The following ZNF283 variants were observed in gnomAD, a reference collection of about 807,000 sequenced individuals.
The protein encoded by ZNF283 is zinc finger protein 283.
ZNF283 carries 10 observed loss-of-function variants against 9.2 expected under a neutral mutation model. The observed-to-expected ratio is 1.09, with a 90% CI of 0.67 to 1.85. The LOEUF (loss-of-function observed/expected upper bound fraction) is 1.85. Among genes scored for constraint, ZNF283 ranks in the 40% most tolerant of loss-of-function variants. The pLI is 0.00. For synonymous variants in ZNF283, 234 were observed against 244.1 expected, an observed-to-expected ratio of 0.96 and a Z score of 0.38; for missense variants, 631 against 760.1, an observed-to-expected ratio of 0.83 and a Z score of 2.00.
chr19:43,848,686 TATC>T lies in ZNF283; in HGVS notation c.*48_*50del, dbSNP rs754450429. 2.3e-5 allele frequency: 34 copies of T among 1,480,514 alleles called. No individual in the cohort carries two copies. In the African/African-American group the frequency reaches 3.2e-4, roughly 14 times the overall value. The allele number at this position is 1,480,514 out of a possible 1,614,324, so 91.7% of individuals were successfully genotyped here. ...ATTTTGTGTGTGTGTATAGACAACT[TATC>T]ATAATAAGAACTCTTACTCTTGAGA... On this transcript the variant is annotated 3_prime_UTR_variant, in exon 7 of 7. Transcript: ENST00000618787.
rs757315046 is a variant in ZNF283 at position 43,831,428 on chromosome 19, G to A, written c.-1+47G>A. The A allele has an allele frequency of 8.9e-6, 13 of 1,464,538 alleles. No homozygotes were observed. In the East Asian group the frequency reaches 9.2e-5, roughly 10 times the overall value. The allele number at this position is 1,464,538 out of a possible 1,614,324, so 90.7% of individuals were successfully genotyped here. A position where few individuals can be genotyped will look rare whatever the true frequency, so the allele number is the denominator to read the frequency against. On this transcript the variant is annotated intron_variant, in intron 3 of 6. Transcript: ENST00000618787. Reference sequence around the variant, plus strand: ...CCCACTGATTTTCAGTGTTGGCCCCGTTTGTTCAGTTTTCTTAATGACTGG... The same window carrying A: ...CCCACTGATTTTCAGTGTTGGCCCCATTTGTTCAGTTTTCTTAATGACTGG...
At chr19:43,828,720 G>A (rs1970578641) in intron 2 of ZNF283, among the ~76,000 whole-genome samples, 2 of 151,988 alleles carry the variant, frequency 1.3e-5, no homozygotes, top group Non-Finnish European at 2.9e-5. Context: ...CAGTAGTATA[G>A]TCATAGCTCA....
chr19:43,846,961 G>T lies in ZNF283; in HGVS notation c.360G>T (p.Glu120Asp), dbSNP rs559158760. The T allele has an allele frequency of 5.1e-6, 8 of 1,567,828 alleles. No individual in the cohort carries two copies. The East Asian group carries it at 1.2e-4, about 23-fold the overall frequency. The change falls in exon 7 of 7, where the codon GAG (glutamate) becomes GAT (aspartate). Residue 120 changes from glutamate to aspartate, a missense_variant. Physicochemically the swap from Glu to Asp is conservative, Grantham distance 45. This residue lies in a region of ZNF283 where 184 missense variants were observed against 220.0 expected (regional missense o/e 0.84). Transcript: ENST00000618787. Reference sequence around the variant, plus strand: ...CAGATTTGGAGTCAAAAACGTATGAGACCAAAAAAATATTTTCAGAAAATG... The same window carrying T: ...CAGATTTGGAGTCAAAAACGTATGATACCAAAAAAATATTTTCAGAAAATG... ...VSLDLESKTY[E>D]TKKIFSENDI...
At position 43,831,372 on chromosome 19, in the gene ZNF283, T is replaced by A; in HGVS notation, c.-10T>A. 6.3e-7 allele frequency: 1 copy of A among 1,595,446 alleles called. No individual in the cohort carries two copies. ...ACATTGAATAACAGCTACAGGATGT[T>A]CGAGAGCTGGTAGGTGTAAATTGTT... On this transcript the variant is annotated 5_prime_UTR_variant, in exon 3 of 7. Coordinates refer to ENST00000618787, the MANE Select transcript of ZNF283 (RefSeq NM_181845.2).
Position 43,848,214 on chromosome 19 carries a change from CA to C in ZNF283, c.1614del (p.Glu540ArgfsTer47), listed in dbSNP as rs762712255. ...SSLVQHERIH[T>X]GEKPYECKEC... ...CTTGTTCAACATGAAAGAATCCATA[CA>C]GGGGAGAAACCCTATGAATGTAAAG... On this transcript the variant is annotated frameshift_variant, in exon 7 of 7. Transcript: ENST00000618787. LOFTEE classifies it low-confidence loss of function (END_TRUNC). 24 of 1,613,734 alleles carry C rather than the reference CA, an allele frequency of 1.5e-5. No homozygotes were observed. The highest frequency in any genetic ancestry group is 1.9e-5 in the Non-Finnish European group (23 of 1,179,934).
In ZNF283 at chr19:43,847,176, A is replaced by T. The variant is rs1459624723; in HGVS notation, c.575A>T (p.Lys192Ile). The T allele has an allele frequency of 6.2e-7, 1 of 1,613,594 alleles. No individual in the cohort carries two copies. Among genetic ancestry groups the T allele is most frequent in the African/African-American group, 1.3e-5 (1 of 74,926 alleles). ...AAAATACCTTCTTACAGAAAAAGTAAATCTCTTACTCCACATCAAAGAATT... is the reference window on the plus strand; with the variant it reads ...AAAATACCTTCTTACAGAAAAAGTATATCTCTTACTCCACATCAAAGAATT... ...YEKIPSYRKSKSLTPHQRIHN... is the reference protein window; with the variant it reads ...YEKIPSYRKSISLTPHQRIHN... The change falls in exon 7 of 7, where the codon AAA becomes ATA. Residue 192 changes from lysine (K) to isoleucine (I), a missense_variant. Physicochemically the swap from Lys to Ile is moderately radical, Grantham distance 102. Transcript: ENST00000618787.
chr19:43,829,414 G>A (rs904153840), intron 2 of ZNF283, among the ~76,000 whole-genome samples: 1 of 151,928 alleles, frequency 6.6e-6, no homozygotes, highest in Admixed American at 6.6e-5. Flanking sequence ...AAAAATTAAG[G>A]CTCTGGATCC....
rs1274371325 is a variant in ZNF283 at position 43,846,987 on chromosome 19, A to G, written c.386A>G (p.Asp129Gly). 2 of 1,584,682 alleles carry G rather than the reference A, an allele frequency of 1.3e-6. No homozygotes were observed. Among genetic ancestry groups the G allele is most frequent in the Admixed American group, 1.8e-5 (1 of 54,540 alleles). ...ACCAAAAAAATATTTTCAGAAAATG[A>G]TATTTTTGAAATAAATTTTTCCCAG... ...YETKKIFSEN[D>G]IFEINFSQWE... The change falls in exon 7 of 7, where the codon GAT (aspartate) becomes GGT (glycine). Residue 129 changes from aspartate to glycine, a missense_variant. Transcript: ENST00000618787.
intron 6 of ZNF283, 45 bp from the exon 7 acceptor site, chr19:43,846,892 TCC>T: frequency 1.0e-5 from 12 of 1,192,276 alleles, no homozygotes; most frequent in South Asian, 6.1e-5. Flanking sequence ...TTTTTTTTTT[TCC>T]CTAGTGAAGG....
chr19:43,845,540 AAAT>A (rs1317876464), intron 6 of ZNF283, among the ~76,000 whole-genome samples: 1 of 152,140 alleles, frequency 6.6e-6, no homozygotes, highest in African/African-American at 2.4e-5. Flanking sequence ...TTTAAATAAA[AAAT>A]TCTGTTCTAT....
chr19:43,835,623 C>T (rs750041164), intron 5 of ZNF283, 31 bp downstream of exon 5: 94 of 1,488,150 alleles, frequency 6.3e-5, no homozygotes, highest in Non-Finnish European at 8.5e-5. Context: ...CCATGAAATA[C>T]TGTGATTTTT....
At chr19:43,842,865 A>G (rs1000217692) in intron 6 of ZNF283, among the ~76,000 whole-genome samples, 2 of 152,076 alleles carry the variant, frequency 1.3e-5, no homozygotes, top group African/African-American at 4.8e-5. Flanking sequence ...TTAAGAAAAA[A>G]CCCATTTTCA....
At chr19:43,832,964 G>A (rs1011450988) in intron 3 of ZNF283, among the ~76,000 whole-genome samples, 4 of 149,824 alleles carry the variant, frequency 2.7e-5, no homozygotes, top group African/African-American at 9.9e-5. Flanking sequence ...GGAGGTTGAG[G>A]CTGCAGTGAG....
intron 5 of ZNF283, among the ~76,000 whole-genome samples, chr19:43,836,797 A>G (rs1391843103): frequency 6.6e-6 from 1 of 152,228 alleles, no homozygotes; most frequent in Non-Finnish European, 1.5e-5. Flanking sequence ...ATATATTACC[A>G]GACAGATCTG....
chr19:43,839,598 A>G (rs1050694711), intron 6 of ZNF283, among the ~76,000 whole-genome samples: 1 of 151,936 alleles, frequency 6.6e-6, no homozygotes, highest in African/African-American at 2.4e-5. Context: ...ATGGTATCCC[A>G]TTGATCCCTC....
At chr19:43,840,508 G>A (rs1053446127) in intron 6 of ZNF283, among the ~76,000 whole-genome samples, 4 of 152,160 alleles carry the variant, frequency 2.6e-5, no homozygotes, top group African/African-American at 9.7e-5. Flanking sequence ...AGCATTCCAG[G>A]CACATAGGCC....
intron 6 of ZNF283, among the ~76,000 whole-genome samples, chr19:43,839,481 T>C (rs1971112887): frequency 6.6e-6 from 1 of 152,200 alleles, no homozygotes; most frequent in Non-Finnish European, 1.5e-5. Context: ...TTCCTGCCTT[T>C]TGTCAGATTT....
chr19:43,829,954 C>T (rs1453421117), intron 2 of ZNF283, among the ~76,000 whole-genome samples: 10 of 151,892 alleles, frequency 6.6e-5, no homozygotes, highest in African/African-American at 9.7e-5. Flanking sequence ...ACCCAGCAGG[C>T]GGAGGTTGTA....
chr19:43,849,956 T>C lies in ZNF283; in HGVS notation c.*1315T>C, dbSNP rs1971559237. ...GGAATGAATTCAGAAAAGCTTCCCATAACCACTCATCCATTTGAATTTCAG... is the reference window on the plus strand; with the variant it reads ...GGAATGAATTCAGAAAAGCTTCCCACAACCACTCATCCATTTGAATTTCAG... On this transcript the variant is annotated 3_prime_UTR_variant, in exon 7 of 7. Transcript: ENST00000618787. 6.6e-6 allele frequency: 1 copy of C among 152,106 alleles called. No homozygotes were observed. Among genetic ancestry groups the C allele is most frequent in the South Asian group, 2.1e-4 (1 of 4,834 alleles). The allele number at this position is 152,106 out of a possible 1,614,324, so 9.4% of individuals were successfully genotyped here. A position where few individuals can be genotyped will look rare whatever the true frequency, so the allele number is the denominator to read the frequency against.
Sources: gnomAD v4.1 joint callset for allele counts (sites outside exome capture counted in the v4.1 genomes callset) on GRCh38, gnomAD v4.1.1 for gene constraint, gnomAD v4.1.1 regional missense constraint, MANE v1.5 for transcripts, NCBI Gene and HGNC (gene_info 2026-07-23, HGNC 2026-07-21) for gene names.